MME: variants seen among roughly 807,000 people sequenced by gnomAD.
MME encodes the protein membrane metalloendopeptidase, also known as neprilysin.
Under a neutral mutation model 113.2 loss-of-function variants are expected in MME, and 98 were observed. That is an observed-to-expected ratio of 0.87 (90% CI 0.74 to 1.02). The LOEUF (loss-of-function observed/expected upper bound fraction) is 1.02. MME is among the 50% of genes least tolerant of loss of function. The pLI is 0.00. For missense variants in MME, 836 were observed against 896.0 expected (o/e 0.93, Z 0.86); for synonymous variants, 292 against 300.6 (o/e 0.97, Z 0.30).
intron 7 of MME, 52 bp downstream of exon 7, chr3:155,117,038 TC>T: frequency 1.0e-6 from 1 of 981,234 alleles, no homozygotes; most frequent in Non-Finnish European, 1.6e-6. Flanking sequence ...TAATAAAACT[TC>T]CACATACATT....
At chr3:155,066,816 C>T (rs889291167) in intron 1 of MME, among the ~76,000 whole-genome samples, 7 of 152,150 alleles carry the variant, frequency 4.6e-5, no homozygotes, top group African/African-American at 1.7e-4. Context: ...GAAAAGTGAT[C>T]AGCTATTACT....
upstream of MME, among the ~76,000 whole-genome samples, chr3:155,077,164 G>T (rs1714775437): frequency 6.6e-6 from 1 of 151,988 alleles, no homozygotes; most frequent in African/African-American, 2.4e-5. Flanking sequence ...TTTGTTTTTG[G>T]CTTCTAAGAT....
chr3:155,049,179 T>A lies in MME; in HGVS notation c.-11+24855T>A, dbSNP rs1251795914. On this transcript the variant is annotated intron_variant, in intron 1 of 22. Coordinates refer to the MME transcript ENST00000492661. ...ATAGTGTTACCCCAAAATTTACGTC[T>A]GGAAACTCAGAATATTACCTTATTT... Among the ~76,000 whole-genome samples the A allele has an allele frequency of 4.6e-5, 7 of 152,162 alleles. No homozygotes were observed. The South Asian group carries it at 1.4e-3, about 31-fold the overall frequency.
upstream of MME, chr3:155,079,530 A>G (rs1714922680): frequency 6.6e-6 from 1 of 151,420 alleles, no homozygotes; most frequent in Admixed American, 6.6e-5. Flanking sequence ...CGGCCCCCTC[A>G]CATGAAGTGA....
chr3:155,097,336 A>C (rs1716823816), intron 3 of MME, among the ~76,000 whole-genome samples: 1 of 152,198 alleles, frequency 6.6e-6, no homozygotes, highest in Non-Finnish European at 1.5e-5. Context: ...TAAAAATGAG[A>C]AGAGGAAGAA....
chr3:155,148,560 A>G lies in MME; in HGVS notation c.1508A>G (p.Lys503Arg). The change falls in exon 16 of 23, where the codon AAA becomes AGA. Residue 503 changes from lysine (K) to arginine (R), a missense_variant. By Grantham distance (26) the Lys-to-Arg change is conservative. Coordinates refer to ENST00000360490, the MANE Select transcript of MME (RefSeq NM_007289.4). ...TTCTTTATAATACAGTTGAACTACA[A>G]AGAAGATGAATACTTCGAGAACATA... is the stretch of plus-strand genomic sequence containing the variant. ...LNNEYLELNYKEDEYFENIIQ... is the reference protein window; with the variant it reads ...LNNEYLELNYREDEYFENIIQ... The G allele has an allele frequency of 6.2e-7, 1 of 1,602,984 alleles. No homozygotes were observed. Among genetic ancestry groups the G allele is most frequent in the Non-Finnish European group, 8.5e-7 (1 of 1,170,262 alleles).
At chr3:155,036,434 C>G (rs1014878913) in intron 1 of MME, among the ~76,000 whole-genome samples, 1 of 152,116 alleles carries the variant, frequency 6.6e-6, no homozygotes, top group African/African-American at 2.4e-5. Flanking sequence ...AATTACCCAG[C>G]CATCACAGGC....
intron 3 of MME, among the ~76,000 whole-genome samples, chr3:155,101,920 G>A (rs1371859228): frequency 6.6e-6 from 1 of 152,178 alleles, no homozygotes; most frequent in Non-Finnish European, 1.5e-5. Flanking sequence ...CATTTACTGA[G>A]GAAGGAGCAC....
chr3:155,107,141 G>A (rs1717756605), intron 3 of MME, among the ~76,000 whole-genome samples: 1 of 152,084 alleles, frequency 6.6e-6, no homozygotes, highest in African/African-American at 2.4e-5. Flanking sequence ...GGATCACGAG[G>A]TCAGGAGTTT....
At position 155,168,786 on chromosome 3, in the gene MME, C is replaced by G; in HGVS notation, c.1969C>G (p.Gln657Glu). 1 of 1,611,438 alleles carries G rather than the reference C, an allele frequency of 6.2e-7. No homozygotes were observed. ...CATTGCTGATAATGGAGGTCTTGGT[C>G]AAGCATACAGAGTAAGTAAAAAAGA... ...ENIADNGGLG[Q>E]AYRAYQNYIK... Residue 657 changes from glutamine (Q) to glutamate (E), a missense_variant, in exon 20 of 23, where the codon CAA (glutamine) becomes GAA (glutamate). Gln to Glu is a conservative substitution (Grantham distance 29). Transcript: ENST00000360490.
intron 22 of MME, among the ~76,000 whole-genome samples, chr3:155,177,295 C>G (rs1712637599): frequency 1.3e-5 from 2 of 152,194 alleles, no homozygotes; most frequent in Non-Finnish European, 2.9e-5. Context: ...AACCAGGGAG[C>G]TTGCTCCCTA....
chr3:155,166,373 G>A (rs1252408239), intron 17 of MME, among the ~76,000 whole-genome samples: 1 of 152,078 alleles, frequency 6.6e-6, no homozygotes, highest in Non-Finnish European at 1.5e-5. Flanking sequence ...AATAAGGTAA[G>A]GTTATGTGAT....
Position 155,143,456 on chromosome 3 carries a change from C to T in MME, c.1202C>T (p.Thr401Ile). 2 of 1,612,250 alleles carry T rather than the reference C, an allele frequency of 1.2e-6. No individual in the cohort carries two copies. Among genetic ancestry groups the T allele is most frequent in the South Asian group, 2.2e-5 (2 of 91,054 alleles). Reference sequence around the variant, plus strand: ...TCTTTTCCGTAGGCCCTTTATGGTACAACCTCAGAAACAGCAACTTGGAGA... The same window carrying T: ...TCTTTTCCGTAGGCCCTTTATGGTATAACCTCAGAAACAGCAACTTGGAGA... ...RNAFRKALYG[T>I]TSETATWRRC... Residue 401 changes from threonine to isoleucine, a missense_variant, in exon 13 of 23, where the codon ACA (threonine) becomes ATA (isoleucine). Coordinates refer to ENST00000360490, the MANE Select transcript of MME (RefSeq NM_007289.4).
chr3:155,087,919 C>T (rs529803782), intron 3 of MME, among the ~76,000 whole-genome samples: 3 of 152,174 alleles, frequency 2.0e-5, no homozygotes, highest in Non-Finnish European at 4.4e-5. Context: ...AGTCTCAACT[C>T]ACTAAAATGT....
chr3:155,061,711 G>T (rs941598194), intron 1 of MME, among the ~76,000 whole-genome samples: 17 of 149,200 alleles, frequency 1.1e-4, no homozygotes, highest in Non-Finnish European at 1.9e-4. Context: ...GCCGAGGCTG[G>T]AGTGCAGTGG....
In MME at chr3:155,071,350, C is replaced by T. The variant is rs1257529687; in HGVS notation, c.-10-12808C>T. ...TGCCCGACCGTATCAGCACATGGAA[C>T]AGTTTAGCCAGGGAATAGGCCCAAT... On this transcript the variant is annotated intron_variant, in intron 1 of 22. Transcript: ENST00000492661. Among the ~76,000 whole-genome samples the T allele has an allele frequency of 2.6e-5, 4 of 152,246 alleles. No individual in the cohort carries two copies. The East Asian group carries it at 7.7e-4, about 29-fold the overall frequency.
intron 8 of MME, among the ~76,000 whole-genome samples, chr3:155,131,213 A>G: frequency 6.6e-6 from 1 of 152,214 alleles, no homozygotes; most frequent in Non-Finnish European, 1.5e-5. Context: ...ATGGACTCAG[A>G]TGGCAGCAAG....
intron 1 of MME, among the ~76,000 whole-genome samples, chr3:155,042,932 A>ATATG (rs1553749801): frequency 9.8e-4 from 62 of 63,402 alleles, no homozygotes; most frequent in South Asian, 4.3e-3. Flanking sequence ...ATATATATAT[A>ATATG]TATATATGTA....
intron 3 of MME, among the ~76,000 whole-genome samples, chr3:155,095,788 T>C (rs1021502715): frequency 2.0e-5 from 3 of 152,140 alleles, no homozygotes; most frequent in African/African-American, 7.2e-5. Context: ...AATGAAAACC[T>C]GGTCAGTGTG....
Sources: allele counts gnomAD v4.1 joint callset (sites outside exome capture counted in the v4.1 genomes callset), GRCh38; gene constraint gnomAD v4.1.1; transcripts MANE v1.5; gene names NCBI Gene and HGNC (gene_info 2026-07-23, HGNC 2026-07-21).